The following APOL5 variants were observed in gnomAD, a reference collection of about 807,000 sequenced individuals.
APOL5 encodes the protein apolipoprotein L, 5.
APOL5 carries 29 observed loss-of-function variants against 35.5 expected under a neutral mutation model. The observed-to-expected ratio is 0.82, with a 90% confidence interval of 0.61 to 1.11. The LOEUF (loss-of-function observed/expected upper bound fraction) is 1.11. APOL5 is among the 50% of genes most tolerant of loss of function. The pLI is 0.00. For synonymous variants in APOL5, 188 were observed against 200.2 expected (o/e 0.94, Z 0.51); for missense variants, 514 against 530.4 (o/e 0.97, Z 0.30).
Position 35,729,006 on chromosome 22 carries a change from CG to C in APOL5, c.*6+106del, listed in dbSNP as rs974139899. 2.0e-4 allele frequency: 266 copies of C among 1,302,718 alleles called. 1 individual carries two copies. In the Middle Eastern group the frequency reaches 3.8e-3, roughly 19 times the overall value. The allele number at this position is 1,302,718 out of a possible 1,614,324, so 80.7% of individuals were successfully genotyped here. On this transcript the variant is annotated intron_variant, in intron 4 of 4. Coordinates refer to ENST00000249044, the MANE Select transcript of APOL5 (RefSeq NM_030642.1). ...TCAGGGAAAGAGAGGGAGGGCCTAA[CG>C]GGGACAGAGGTTGTTGCTACCTTTC...
At chr22:35,715,234 A>G (rs1926708307), upstream of APOL5, among the ~76,000 whole-genome samples, 1 of 152,192 alleles carries the variant, frequency 6.6e-6, no homozygotes, top group Admixed American at 6.5e-5. Flanking sequence ...GCTGGGTCTC[A>G]GCCCTGCTCA....
the APOL5 span, among the ~76,000 whole-genome samples, chr22:35,710,325 A>G: frequency 6.8e-6 from 1 of 147,372 alleles, no homozygotes; most frequent in South Asian, 2.1e-4. Flanking sequence ...TTTTTTTTGT[A>G]GAGACAGGGT....
chr22:35,717,832 T>C (rs1258412890), upstream of APOL5: 1 of 1,462,312 alleles, frequency 6.8e-7, no homozygotes, highest in African/African-American at 1.4e-5. Context: ...GTCATATTTA[T>C]TAATCATATT....
chr22:35,711,126 C>T, the APOL5 span, among the ~76,000 whole-genome samples: 7 of 152,278 alleles, frequency 4.6e-5, no homozygotes, highest in South Asian at 8.3e-4. Flanking sequence ...GCCAAGATCA[C>T]GCCATTGGCA....
Position 35,726,834 on chromosome 22 carries a change from A to T in APOL5, c.766A>T (p.Met256Leu). Reference protein sequence around the residue: ...YQMAKSNSGFMAMVKNFVAKR... With the variant: ...YQMAKSNSGFLAMVKNFVAKR... ...GATGGCCAAATCCAACTCTGGCTTC[A>T]TGGCTATGGTCAAGAATTTTGTGGC... The change falls in exon 3 of 5, where the codon ATG becomes TTG. Residue 256 changes from methionine to leucine, a missense_variant. Coordinates refer to ENST00000249044, the MANE Select transcript of APOL5 (RefSeq NM_030642.1). 1 of 1,614,214 alleles carries T rather than the reference A, an allele frequency of 6.2e-7. No individual in the cohort carries two copies.
upstream of APOL5, chr22:35,717,798 C>T: frequency 1.2e-6 from 1 of 853,296 alleles, no homozygotes; most frequent in Non-Finnish European, 1.6e-6. Flanking sequence ...CTGGGAGAGA[C>T]AGGTTTCAGG....
intron 3 of APOL5, 97 bp downstream of exon 3, chr22:35,727,291 A>G: frequency 1.3e-6 from 2 of 1,491,826 alleles, no homozygotes; most frequent in Non-Finnish European, 1.8e-6. Context: ...ACATCAGTGC[A>G]TAACTACAGC....
the APOL5 span, among the ~76,000 whole-genome samples, chr22:35,709,646 A>G: frequency 6.6e-6 from 1 of 152,018 alleles, no homozygotes; most frequent in Non-Finnish European, 1.5e-5. Flanking sequence ...TTCTGTTTAC[A>G]TTTTCCAGTT....
intron 2 of APOL5, among the ~76,000 whole-genome samples, chr22:35,724,921 A>G (rs1400983055): frequency 6.6e-6 from 1 of 151,992 alleles, no homozygotes; most frequent in African/African-American, 2.4e-5. Flanking sequence ...TTGTATCCAC[A>G]TACATTTAGA....
chr22:35,710,722 T>C, the APOL5 span, among the ~76,000 whole-genome samples: 2 of 152,064 alleles, frequency 1.3e-5, no homozygotes, highest in African/African-American at 2.4e-5. Flanking sequence ...CCCCAGCCCC[T>C]GGCAACCACG....
upstream of APOL5, among the ~76,000 whole-genome samples, chr22:35,714,311 C>CA (rs1284704348): frequency 8.5e-5 from 13 of 152,048 alleles, no homozygotes; most frequent in African/African-American, 3.1e-4. Context: ...GATTCTGTCT[C>CA]AAAAAAATAA....
rs199758454 is a variant in APOL5 at position 35,726,490 on chromosome 22, C to A, written c.422C>A (p.Ala141Asp). Reference sequence around the variant, plus strand: ...TTGCTTACCAAGACCAGCCTGGTGGCCAGCTCTTCCGGGGCTGTTTCTGGG... The same window carrying A: ...TTGCTTACCAAGACCAGCCTGGTGGACAGCTCTTCCGGGGCTGTTTCTGGG... ...HELLTKTSLV[A>D]SSSGAVSGVM... Residue 141 changes from alanine to aspartate, a missense_variant, in exon 3 of 5, where the codon GCC (alanine) becomes GAC (aspartate). Transcript: ENST00000249044. 1.7e-5 allele frequency: 27 copies of A among 1,614,190 alleles called. No homozygotes were observed. In the Admixed American group the frequency reaches 1.8e-4, roughly 11 times the overall value.
At chr22:35,723,994 T>C (rs2146001647) in intron 2 of APOL5, among the ~76,000 whole-genome samples, 1 of 152,224 alleles carries the variant, frequency 6.6e-6, no homozygotes, top group African/African-American at 2.4e-5. Context: ...TTTCAAAATA[T>C]TCAACACTGT....
chr22:35,728,973 G>A, intron 4 of APOL5, 69 bp downstream of exon 4: 1 of 1,459,632 alleles, frequency 6.9e-7, no homozygotes, highest in Non-Finnish European at 9.0e-7. Context: ...TCCTTGGGTG[G>A]GTGGGCTTCA....
the APOL5 span, among the ~76,000 whole-genome samples, chr22:35,712,724 A>C: frequency 2.6e-5 from 4 of 152,198 alleles, no homozygotes; most frequent in Non-Finnish European, 4.4e-5. Context: ...ATGGAAAATT[A>C]AATAGAAAAA....
intron 3 of APOL5, among the ~76,000 whole-genome samples, chr22:35,728,369 G>C (rs1196378907): frequency 6.6e-6 from 1 of 151,998 alleles, no homozygotes; most frequent in Non-Finnish European, 1.5e-5. Flanking sequence ...GACTACAGGC[G>C]CCCGCCACGA....
upstream of APOL5, among the ~76,000 whole-genome samples, chr22:35,714,511 G>A (rs1926682562): frequency 6.6e-6 from 1 of 152,152 alleles, no homozygotes; most frequent in Non-Finnish European, 1.5e-5. Flanking sequence ...AGGGACAATG[G>A]CAAACAGTAG....
At chr22:35,709,454 A>T in the APOL5 span, among the ~76,000 whole-genome samples, 6 of 152,074 alleles carry the variant, frequency 3.9e-5, no homozygotes, top group South Asian at 1.0e-3. Flanking sequence ...TTCTGTGCTG[A>T]ATGTTCTAGA....
At chr22:35,718,783 C>A (rs1329558652) in intron 1 of APOL5, among the ~76,000 whole-genome samples, 1 of 152,026 alleles carries the variant, frequency 6.6e-6, no homozygotes, top group Non-Finnish European at 1.5e-5. Context: ...CGTGGCCAGG[C>A]ACAGCGGCTC....
Sources: gnomAD v4.1 joint callset for allele counts (sites outside exome capture counted in the v4.1 genomes callset) on GRCh38, gnomAD v4.1.1 for gene constraint, MANE v1.5 for transcripts, NCBI Gene and HGNC (gene_info 2026-07-23, HGNC 2026-07-21) for gene names.